VAT1L: variants seen among roughly 807,000 people sequenced by gnomAD.
The protein encoded by VAT1L is vesicle amine transport 1 like.
VAT1L carries 34 observed loss-of-function variants against 44.1 expected under a neutral mutation model. The ratio of observed to expected loss-of-function variants is 0.77; its 90% CI spans 0.59 to 1.03. The LOEUF is 1.03. VAT1L is among the 50% of genes least tolerant of loss of function. The probability of loss-of-function intolerance (pLI) is 0.00; values close to 1 mark genes in which losing one functional copy is unlikely to be tolerated. For synonymous variants in VAT1L, 253 were observed against 202.2 expected, an observed-to-expected ratio of 1.25 and a Z score of -2.13; for missense variants, 615 against 538.8, an observed-to-expected ratio of 1.14 and a Z score of -1.40.
rs1205495939 is a variant in VAT1L at position 77,901,377 on chromosome 16, G to A, written c.1077+16575G>A. On this transcript the variant is annotated intron_variant, in intron 7 of 8. Transcript: ENST00000302536. Reference sequence around the variant, plus strand: ...GATGGGGTTTCACCGTGTTAGCCAGGATGGTCTTGATCTCCTGACCTTGTG... The same window carrying A: ...GATGGGGTTTCACCGTGTTAGCCAGAATGGTCTTGATCTCCTGACCTTGTG... Among the ~76,000 whole-genome samples, 12 of 151,996 alleles carry A rather than the reference G, an allele frequency of 7.9e-5. No homozygotes were observed. In the East Asian group the frequency reaches 2.3e-3, roughly 30 times the overall value.
intron 7 of VAT1L, among the ~76,000 whole-genome samples, chr16:77,931,225 GC>G (rs2017727923): frequency 6.6e-6 from 1 of 152,130 alleles, no homozygotes; most frequent in African/African-American, 2.4e-5. Flanking sequence ...GCATTAGGCA[GC>G]CTAGCTTTAT....
At position 77,837,406 on chromosome 16, in the gene VAT1L, G is replaced by T. The variant is rs78741492; in HGVS notation, c.579+11945G>T. ...TCCATAAATTAAACTTCAAGCTGCT[G>T]CATCTATGAAATTAAACCTCAGGCT... On this transcript the variant is annotated intron_variant, in intron 3 of 8. Coordinates refer to ENST00000302536, the MANE Select transcript of VAT1L (RefSeq NM_020927.3). Among the ~76,000 whole-genome samples the T allele has an allele frequency of 4.5e-3, 688 of 152,184 alleles. 3 individuals are homozygous for T. Among genetic ancestry groups the T allele is most frequent in the African/African-American group, 0.016 (655 of 41,506 alleles).
intron 3 of VAT1L, among the ~76,000 whole-genome samples, chr16:77,852,135 T>C (rs531901144): frequency 7.9e-5 from 12 of 152,170 alleles, no homozygotes; most frequent in African/African-American, 1.2e-4. Context: ...CCCGTCCTTA[T>C]TGCTCAAACA....
At chr16:77,881,162 T>C (rs568496359) in intron 6 of VAT1L, among the ~76,000 whole-genome samples, 27 of 152,308 alleles carry the variant, frequency 1.8e-4, no homozygotes, top group African/African-American at 6.3e-4. Context: ...TTTTTACCCC[T>C]CCCCAACAGG....
chr16:77,869,772 G>C (rs556679498), intron 4 of VAT1L, among the ~76,000 whole-genome samples: 2 of 152,278 alleles, frequency 1.3e-5, no homozygotes, highest in East Asian at 3.9e-4. Flanking sequence ...CTAGCCAAAG[G>C]AGCACAAAGC....
rs558988085 is a variant in VAT1L, at chr16:77,858,861, C to G, written c.580-3887C>G. 9.7e-4 allele frequency among the ~76,000 whole-genome samples: 147 copies of G among 152,154 alleles called. 1 individual carries two copies. Among genetic ancestry groups the G allele is most frequent in the South Asian group, 5.8e-3 (28 of 4,820 alleles). ...AAAAAAAAATTTTAAAAAGGCTGGGCTTGGTGGCTCACACCTGTAATCCCA... is the reference window on the plus strand; with the variant it reads ...AAAAAAAAATTTTAAAAAGGCTGGGGTTGGTGGCTCACACCTGTAATCCCA... On this transcript the variant is annotated intron_variant, in intron 3 of 8. Transcript: ENST00000302536.
intron 7 of VAT1L, among the ~76,000 whole-genome samples, chr16:77,966,948 A>G (rs1435999357): frequency 6.6e-6 from 1 of 150,948 alleles, no homozygotes; most frequent in East Asian, 1.9e-4. Flanking sequence ...AAAAAAAAAA[A>G]AAAAAAAAAA....
chr16:77,927,748 A>G (rs2017686512), intron 7 of VAT1L, among the ~76,000 whole-genome samples: 1 of 152,122 alleles, frequency 6.6e-6, no homozygotes, highest in Non-Finnish European at 1.5e-5. Context: ...ACACGCCTGT[A>G]GTCCCAGCTA....
At chr16:77,965,543 G>C (rs1301919322) in intron 7 of VAT1L, among the ~76,000 whole-genome samples, 1 of 152,212 alleles carries the variant, frequency 6.6e-6, no homozygotes, top group Admixed American at 6.5e-5. Flanking sequence ...AACCAGCTCT[G>C]TTGGAGATGG....
In VAT1L at chr16:77,887,903, T is replaced by C. The variant is rs1304377934; in HGVS notation, c.1077+3101T>C. Among the ~76,000 whole-genome samples the C allele has an allele frequency of 3.9e-5, 6 of 152,304 alleles. 1 individual carries two copies. The highest frequency in any genetic ancestry group is 3.9e-4 in the East Asian group (2 of 5,166). ...CCTGAAATACAGTCTAAATTCCTCA[T>C]TGAGGTCTGTAAGGCCCTGCACTGT... is the stretch of plus-strand genomic sequence containing the variant. On this transcript the variant is annotated intron_variant, in intron 7 of 8. Coordinates refer to ENST00000302536, the MANE Select transcript of VAT1L (RefSeq NM_020927.3).
At chr16:77,962,779 A>AAGGAAG (rs1194896172) in intron 7 of VAT1L, among the ~76,000 whole-genome samples, 33 of 44,202 alleles carry the variant, frequency 7.5e-4, no homozygotes, top group Non-Finnish European at 1.4e-3. Context: ...AAGGAAGGAA[A>AAGGAAG]GAAAGAGAAA....
At chr16:77,854,665 T>C (rs1374509759) in intron 3 of VAT1L, among the ~76,000 whole-genome samples, 4 of 152,192 alleles carry the variant, frequency 2.6e-5, no homozygotes, top group Admixed American at 2.6e-4. Context: ...AAAAATAAAC[T>C]GACAATCTTT....
chr16:77,847,990 A>C (rs1270926319), intron 3 of VAT1L, among the ~76,000 whole-genome samples: 2 of 152,204 alleles, frequency 1.3e-5, no homozygotes, highest in African/African-American at 4.8e-5. Flanking sequence ...CCCTGGACGT[A>C]GTGCCATTTG....
chr16:77,887,175 C>A (rs1020266801), intron 7 of VAT1L, among the ~76,000 whole-genome samples: 1 of 152,070 alleles, frequency 6.6e-6, no homozygotes, highest in East Asian at 1.9e-4. Context: ...GGGTGAAGAA[C>A]AAAAGATTTT....
chr16:77,921,863 C>T (rs1233860688), intron 7 of VAT1L, among the ~76,000 whole-genome samples: 1 of 134,488 alleles, frequency 7.4e-6, no homozygotes, highest in Non-Finnish European at 1.7e-5. Flanking sequence ...CCCACCTCAG[C>T]CTCCCGAGTA....
intron 7 of VAT1L, among the ~76,000 whole-genome samples, chr16:77,946,759 A>T (rs926995205): frequency 2.0e-5 from 3 of 152,204 alleles, no homozygotes; most frequent in African/African-American, 7.2e-5. Context: ...ACTCTTGGTT[A>T]TGGAGACTTC....
At chr16:77,862,639 A>T (rs1221575973) in intron 3 of VAT1L, 109 bp from the exon 4 acceptor site, 1 of 1,098,742 alleles carries the variant, frequency 9.1e-7, no homozygotes, top group Admixed American at 3.2e-5. Flanking sequence ...AAAAAAAAAA[A>T]AAAAAAAAGT....
At chr16:77,894,616 A>C (rs192997271) in intron 7 of VAT1L, among the ~76,000 whole-genome samples, 1 of 152,180 alleles carries the variant, frequency 6.6e-6, no homozygotes, top group African/African-American at 2.4e-5. Flanking sequence ...GAGAGATAAA[A>C]ATGTTCTAAA....
intron 7 of VAT1L, among the ~76,000 whole-genome samples, chr16:77,897,263 G>C (rs747920594): frequency 5.3e-5 from 8 of 152,150 alleles, no homozygotes; most frequent in African/African-American, 7.2e-5. Context: ...ACTTCGGTCT[G>C]AGCATCAGTT....
Sources: gnomAD v4.1 joint callset for allele counts (sites outside exome capture counted in the v4.1 genomes callset) on GRCh38, gnomAD v4.1.1 for gene constraint, MANE v1.5 for transcripts, NCBI Gene and HGNC (gene_info 2026-07-23, HGNC 2026-07-21) for gene names.